GALNTL6: variants seen among roughly 807,000 people sequenced by gnomAD.
GALNTL6 encodes the protein polypeptide N-acetylgalactosaminyltransferase-like 6.
Under a neutral mutation model 73.7 loss-of-function variants are expected in GALNTL6, and 46 were observed. That is an observed-to-expected ratio of 0.62 (90% CI 0.49 to 0.80). The LOEUF (loss-of-function observed/expected upper bound fraction) is 0.80, where lower values mean the gene tolerates loss of function less well. Among genes scored for constraint, GALNTL6 ranks in the 30% least tolerant of loss-of-function variants. The probability of loss-of-function intolerance (pLI) is 0.00; values close to 1 mark genes in which losing one functional copy is unlikely to be tolerated. For synonymous variants in GALNTL6, 259 were observed against 263.7 expected (o/e 0.98, Z 0.17); for missense variants, 604 against 755.0 (o/e 0.80, Z 2.34).
intron 5 of GALNTL6, among the ~76,000 whole-genome samples, chr4:172,451,344 G>A (rs1732200520): frequency 6.6e-6 from 1 of 152,182 alleles, no homozygotes; most frequent in Non-Finnish European, 1.5e-5. Flanking sequence ...GTTTCCCAGA[G>A]CAGTCACTAA....
chr4:171,821,006 A>G (rs951913658), intron 2 of GALNTL6, among the ~76,000 whole-genome samples: 8 of 152,058 alleles, frequency 5.3e-5, no homozygotes, highest in African/African-American at 1.9e-4. Context: ...CATAAGTTTT[A>G]GTGAGGTGGC....
chr4:172,531,775 G>A (rs779805002), intron 5 of GALNTL6, among the ~76,000 whole-genome samples: 1 of 152,190 alleles, frequency 6.6e-6, no homozygotes, highest in Non-Finnish European at 1.5e-5. Context: ...TCCATGCCTA[G>A]GCTCAGCAGT....
At chr4:172,168,937 G>A (rs1055767133) in intron 2 of GALNTL6, among the ~76,000 whole-genome samples, 7 of 152,154 alleles carry the variant, frequency 4.6e-5, no homozygotes, top group Non-Finnish European at 1.0e-4. Flanking sequence ...ATGAACTGAT[G>A]AAATCTCTTG....
intron 5 of GALNTL6, among the ~76,000 whole-genome samples, chr4:172,516,085 T>G (rs1228325295): frequency 6.6e-6 from 1 of 152,206 alleles, no homozygotes; most frequent in Non-Finnish European, 1.5e-5. Context: ...CCCAGTACCT[T>G]TATACATTTT....
At chr4:172,015,465 C>T (rs1741159874) in intron 2 of GALNTL6, among the ~76,000 whole-genome samples, 1 of 152,062 alleles carries the variant, frequency 6.6e-6, no homozygotes, top group Non-Finnish European at 1.5e-5. Flanking sequence ...CTCTTGAAGA[C>T]AGCAGATACT....
At chr4:172,309,588 T>C (rs1740277073) in intron 3 of GALNTL6, among the ~76,000 whole-genome samples, 1 of 152,092 alleles carries the variant, frequency 6.6e-6, no homozygotes, top group African/African-American at 2.4e-5. Flanking sequence ...AGCAATTGTA[T>C]TAAAGTCAAT....
chr4:172,542,263 G>C (rs943113848), intron 5 of GALNTL6, among the ~76,000 whole-genome samples: 1 of 151,976 alleles, frequency 6.6e-6, no homozygotes, highest in African/African-American at 2.4e-5. Context: ...CCCGGGGAAG[G>C]CTGGTCGCCC....
chr4:171,997,731 G>A (rs1740535332), intron 2 of GALNTL6, among the ~76,000 whole-genome samples: 1 of 152,028 alleles, frequency 6.6e-6, no homozygotes, highest in Non-Finnish European at 1.5e-5. Flanking sequence ...AACATCTTAA[G>A]GAAAGAACAT....
intron 2 of GALNTL6, among the ~76,000 whole-genome samples, chr4:172,117,394 G>A (rs1314566753): frequency 6.6e-6 from 1 of 152,050 alleles, no homozygotes; most frequent in African/African-American, 2.4e-5. Flanking sequence ...TCCTTATTAT[G>A]TGACAGGCAC....
chr4:172,374,740 T>C (rs1216685344), intron 5 of GALNTL6, among the ~76,000 whole-genome samples: 1 of 152,206 alleles, frequency 6.6e-6, no homozygotes, highest in Non-Finnish European at 1.5e-5. Flanking sequence ...TATCATTTAC[T>C]TTACTAAGAT....
At chr4:171,990,601 T>C (rs553513798) in intron 2 of GALNTL6, among the ~76,000 whole-genome samples, 3 of 152,238 alleles carry the variant, frequency 2.0e-5, no homozygotes, top group African/African-American at 7.2e-5. Flanking sequence ...ACGATAGTAA[T>C]AAAAAAACAT....
At chr4:172,680,842 A>G (rs943976292) in intron 5 of GALNTL6, among the ~76,000 whole-genome samples, 2 of 152,228 alleles carry the variant, frequency 1.3e-5, no homozygotes, top group African/African-American at 4.8e-5. Context: ...TGCAGAATGC[A>G]AGGGTTACAA....
intron 3 of GALNTL6, among the ~76,000 whole-genome samples, chr4:172,263,013 A>G (rs957466070): frequency 1.7e-4 from 25 of 151,466 alleles, no homozygotes; most frequent in Admixed American, 5.3e-4. Context: ...GTTTTCTTGT[A>G]TAAGTTACCT....
intron 5 of GALNTL6, among the ~76,000 whole-genome samples, chr4:172,402,579 G>C (rs1744080887): frequency 6.6e-6 from 1 of 152,050 alleles, no homozygotes; most frequent in South Asian, 2.1e-4. Flanking sequence ...CTATTGCATT[G>C]AAAAGTAGTA....
intron 5 of GALNTL6, among the ~76,000 whole-genome samples, chr4:172,773,611 ACCC>A (rs1433690129): frequency 9.0e-6 from 1 of 111,284 alleles, no homozygotes; most frequent in African/African-American, 2.8e-5. Context: ...AAAAAAAAAA[ACCC>A]ACTTCCATTT....
intron 8 of GALNTL6, among the ~76,000 whole-genome samples, chr4:172,885,462 G>A (rs1188784369): frequency 6.6e-6 from 1 of 152,074 alleles, no homozygotes; most frequent in Non-Finnish European, 1.5e-5. Context: ...AACTTTTGGT[G>A]GAGTCTTTAG....
chr4:172,373,068 C>T (rs1742881928), intron 5 of GALNTL6, among the ~76,000 whole-genome samples: 1 of 152,178 alleles, frequency 6.6e-6, no homozygotes, highest in African/African-American at 2.4e-5. Context: ...AACTGGTAGC[C>T]AAGAGCAAAT....
At chr4:172,189,942 C>T (rs530551431) in intron 2 of GALNTL6, among the ~76,000 whole-genome samples, 4 of 152,080 alleles carry the variant, frequency 2.6e-5, no homozygotes, top group Admixed American at 6.6e-5. Flanking sequence ...GCAGCTTGTA[C>T]GATTTTTCAA....
At chr4:172,773,231 ACT>A (rs1489333815) in intron 5 of GALNTL6, among the ~76,000 whole-genome samples, 1 of 152,012 alleles carries the variant, frequency 6.6e-6, no homozygotes, top group Admixed American at 6.5e-5. Flanking sequence ...TGGGGGTCTC[ACT>A]CTGTCACCCA....
Sources: gnomAD v4.1 joint callset for allele counts (sites outside exome capture counted in the v4.1 genomes callset) on GRCh38, gnomAD v4.1.1 for gene constraint, MANE v1.5 for transcripts, NCBI Gene and HGNC (gene_info 2026-07-23, HGNC 2026-07-21) for gene names.